Variants in CSMD3 observed in about 807,000 individuals in gnomAD.
CSMD3 encodes CUB and Sushi multiple domains 3, also known as CUB and sushi domain-containing protein 3.
CSMD3 carries 177 observed loss-of-function variants against 435.2 expected under a neutral mutation model. That is an observed-to-expected ratio of 0.41 (90% confidence interval 0.36 to 0.46). The LOEUF (loss-of-function observed/expected upper bound fraction) is 0.46. CSMD3 is among the 20% of genes least tolerant of loss of function. The probability of loss-of-function intolerance (pLI) is 0.34; values close to 1 mark genes in which losing one functional copy is unlikely to be tolerated. For missense variants in CSMD3, 4,265 were observed against 4,504.6 expected (o/e 0.95, Z 1.52); for synonymous variants, 1,656 against 1,520.5 (o/e 1.09, Z -2.07).
chr8:112,314,811 T>C (rs146179610), intron 47 of CSMD3, among the ~76,000 whole-genome samples, 194 bp from the exon 48 acceptor site: 1 of 152,144 alleles, frequency 6.6e-6, no homozygotes, highest in East Asian at 1.9e-4. Flanking sequence ...ATTTATAGTA[T>C]TGATTTATTT....
At position 112,492,518 on chromosome 8, in the gene CSMD3, C is replaced by G; in HGVS notation, c.5249G>C (p.Gly1750Ala). ...ACAACTTGGCAAGGCTCTATTCCATCCAGGTCTTCCATCATCTCCCATGAT... is the reference window on the plus strand; with the variant it reads ...ACAACTTGGCAAGGCTCTATTCCATGCAGGTCTTCCATCATCTCCCATGAT... ...TCIMGDDGRPGWNRALPSCHA... is the reference protein window; with the variant it reads ...TCIMGDDGRPAWNRALPSCHA... The change falls in exon 31 of 71, where the codon GGA (glycine) becomes GCA (alanine). Residue 1750 changes from glycine to alanine, a missense_variant. By Grantham distance (60) the Gly-to-Ala change is moderately conservative (BLOSUM62 0). This residue lies in a region of CSMD3 where 3,255 missense variants were observed against 3,380.2 expected (regional missense o/e 0.96). Transcript: ENST00000297405. 2 of 1,614,014 alleles carry G rather than the reference C, an allele frequency of 1.2e-6. No homozygotes were observed. Among genetic ancestry groups the G allele is most frequent in the Non-Finnish European group, 1.7e-6 (2 of 1,179,916 alleles).
intron 9 of CSMD3, among the ~76,000 whole-genome samples, chr8:112,924,934 G>A (rs1020848044): frequency 3.3e-5 from 5 of 152,032 alleles, no homozygotes; most frequent in Non-Finnish European, 7.4e-5. Flanking sequence ...ATTTCCCTCA[G>A]TTAGATTAAA....
Position 113,068,597 on chromosome 8 carries a change from C to A in CSMD3, c.917+30159G>T, listed in dbSNP as rs548150192. On this transcript the variant is annotated intron_variant, in intron 5 of 70. Coordinates refer to ENST00000297405, the MANE Select transcript of CSMD3 (RefSeq NM_198123.2). ...AAATGTCAACTGGCAACCTTCTCCACAACAGCAATTTTACACTACGGAAGT... is the reference window on the plus strand; with the variant it reads ...AAATGTCAACTGGCAACCTTCTCCAAAACAGCAATTTTACACTACGGAAGT... 5.8e-4 allele frequency among the ~76,000 whole-genome samples: 89 copies of A among 152,228 alleles called. 1 individual carries two copies. The South Asian group carries it at 0.018, about 31-fold the overall frequency.
At chr8:112,681,515 A>C (rs972910041) in intron 16 of CSMD3, among the ~76,000 whole-genome samples, 2 of 152,130 alleles carry the variant, frequency 1.3e-5, no homozygotes, top group Non-Finnish European at 2.9e-5. Context: ...TTTTACTTTT[A>C]ATTATGATCA....
intron 2 of CSMD3, among the ~76,000 whole-genome samples, chr8:113,292,490 G>A (rs1412591031): frequency 6.6e-6 from 1 of 151,740 alleles, no homozygotes; most frequent in Non-Finnish European, 1.5e-5. Context: ...ATATTATGAA[G>A]AGAAAATTGT....
chr8:112,518,951 A>G (rs1283552460), intron 27 of CSMD3, among the ~76,000 whole-genome samples: 1 of 152,116 alleles, frequency 6.6e-6, no homozygotes, highest in East Asian at 1.9e-4. Context: ...CACACTTTCA[A>G]ATAACCAGAT....
intron 7 of CSMD3, 129 bp downstream of exon 7, chr8:112,975,708 G>T: frequency 1.4e-6 from 2 of 1,390,190 alleles, no homozygotes; most frequent in South Asian, 1.3e-5. Flanking sequence ...ATATTTTTCA[G>T]CTACTTTGAA....
chr8:112,847,720 A>G (rs1213020205), intron 11 of CSMD3, among the ~76,000 whole-genome samples: 7 of 152,138 alleles, frequency 4.6e-5, no homozygotes, highest in Non-Finnish European at 8.8e-5. Flanking sequence ...TTTGGCGCAA[A>G]GAACTAGTAC....
intron 3 of CSMD3, among the ~76,000 whole-genome samples, chr8:113,270,177 G>T (rs1185723565): frequency 1.3e-5 from 2 of 152,136 alleles, no homozygotes; most frequent in African/African-American, 4.8e-5. Flanking sequence ...CTCAAAAGAA[G>T]ATATTTATGT....
intron 3 of CSMD3, among the ~76,000 whole-genome samples, chr8:113,197,763 C>T (rs1178848024): frequency 6.6e-6 from 1 of 151,064 alleles, no homozygotes; most frequent in Non-Finnish European, 1.5e-5. Flanking sequence ...TAATTGTAAA[C>T]ATCATATAAT....
At chr8:112,774,242 G>A (rs577421386) in intron 13 of CSMD3, among the ~76,000 whole-genome samples, 2 of 152,036 alleles carry the variant, frequency 1.3e-5, no homozygotes, top group Non-Finnish European at 2.9e-5. Flanking sequence ...TGGGTGCACT[G>A]TTGAGTTTTC....
chr8:113,096,684 C>T (rs1428772567), intron 5 of CSMD3, among the ~76,000 whole-genome samples: 1 of 151,910 alleles, frequency 6.6e-6, no homozygotes. Context: ...TCTTTCTTTC[C>T]CTCCTACTGC....
chr8:112,410,628 G>GTATATATATATGTATATATATGTGTA lies in CSMD3; in HGVS notation c.5396-1597_5396-1596insTACACATATATATACATATATATATA, dbSNP rs373147062. ...TGTATATATATATGTATATATATGTGTATATATATGTATATATATATGTGT... is the reference window on the plus strand; with the variant it reads ...TGTATATATATATGTATATATATGTGTATATATATATGTATATATATGTGTATATATATATGTATATATATATGTGT... On this transcript the variant is annotated intron_variant, in intron 32 of 70. Transcript: ENST00000297405. 5.8e-3 allele frequency among the ~76,000 whole-genome samples: 404 copies of GTATATATATATGTATATATATGTGTA among 69,954 alleles called. 37 individuals carry two copies. Among genetic ancestry groups the GTATATATATATGTATATATATGTGTA allele is most frequent in the East Asian group, 0.054 (122 of 2,260 alleles). 45.9% of individuals were successfully genotyped at this position (69,954 alleles called of 152,430 possible). A position where few individuals can be genotyped will look rare whatever the true frequency, so the allele number is the denominator to read the frequency against.
chr8:112,594,857 C>A (rs1427244656), intron 22 of CSMD3, among the ~76,000 whole-genome samples: 3 of 151,780 alleles, frequency 2.0e-5, no homozygotes, highest in Non-Finnish European at 4.4e-5. Context: ...CACCAAAAAC[C>A]CATCTGTACA....
chr8:113,392,533 C>G (rs2094465366), intron 1 of CSMD3, among the ~76,000 whole-genome samples: 1 of 151,946 alleles, frequency 6.6e-6, no homozygotes, highest in Admixed American at 6.6e-5. Flanking sequence ...GGGAAATGAG[C>G]AAAGAAAGCC....
chr8:113,135,743 C>A (rs1238565164), intron 4 of CSMD3, among the ~76,000 whole-genome samples: 2 of 151,746 alleles, frequency 1.3e-5, no homozygotes, highest in Non-Finnish European at 2.9e-5. Flanking sequence ...TTACTTGGAT[C>A]CTTTCAAATT....
In CSMD3 at chr8:112,829,761, T is replaced by G; in HGVS notation, c.1784A>C (p.Asp595Ala). The G allele has an allele frequency of 1.2e-6, 2 of 1,611,454 alleles. No individual in the cohort carries two copies. Among genetic ancestry groups the G allele is most frequent in the Non-Finnish European group, 1.7e-6 (2 of 1,177,792 alleles). ...CAAGGTATCATAGCCAATCTCCAGA[T>G]CAAATTCTTCAAAATTTATCTGGAT... The part of the protein sequence containing the change: ...KVIQINFEEF[D>A]LEIGYDTLTI... The change falls in exon 12 of 71, where the codon GAT becomes GCT. Residue 595 changes from aspartate (D) to alanine (A), a missense_variant. Coordinates refer to ENST00000297405, the MANE Select transcript of CSMD3 (RefSeq NM_198123.2).
intron 45 of CSMD3, among the ~76,000 whole-genome samples, chr8:112,332,468 A>C (rs1290053591): frequency 6.6e-6 from 1 of 152,138 alleles, no homozygotes; most frequent in African/African-American, 2.4e-5. Context: ...GCAGAGTAAC[A>C]ATCAGTGAAC....
At chr8:112,911,788 T>A (rs1291667054) in intron 10 of CSMD3, among the ~76,000 whole-genome samples, 3 of 145,956 alleles carry the variant, frequency 2.1e-5, no homozygotes, top group Admixed American at 6.9e-5. Flanking sequence ...ATATAAAATA[T>A]AATTATGTTA....
Sources: gnomAD v4.1 joint callset for allele counts (sites outside exome capture counted in the v4.1 genomes callset) on GRCh38, gnomAD v4.1.1 for gene constraint, gnomAD v4.1.1 regional missense constraint, MANE v1.5 for transcripts, NCBI Gene and HGNC (gene_info 2026-07-23, HGNC 2026-07-21) for gene names.